ULK1: variants seen among roughly 807,000 people sequenced by gnomAD.
ULK1 encodes the protein serine/threonine-protein kinase ULK1.
ULK1 carries 48 observed loss-of-function variants against 117.5 expected under a neutral mutation model. The observed-to-expected ratio is 0.41, with a 90% CI of 0.32 to 0.52. The LOEUF is 0.52. Ranked by LOEUF, ULK1 falls within the 20% of genes least tolerant of loss-of-function variation. The probability of loss-of-function intolerance (pLI) is 0.29; values close to 1 mark genes in which losing one functional copy is unlikely to be tolerated. For synonymous variants in ULK1, 790 were observed against 637.8 expected, an observed-to-expected ratio of 1.24 and a Z score of -3.60; for missense variants, 1,387 against 1,473.4, an observed-to-expected ratio of 0.94 and a Z score of 0.96.
At position 131,921,095 on chromosome 12, in the gene ULK1, C is replaced by T. The variant is rs752088775; in HGVS notation, c.2962-5C>T. On this transcript the variant is annotated splice_polypyrimidine_tract_variant and splice_region_variant and intron_variant, in intron 26 of 27. Transcript: ENST00000321867. ...GCCCTGTCCAGCCTCTGTCCTCGCCCCCAGGTGCAGTCGGCTGCCCTGGAC... is the reference window on the plus strand; with the variant it reads ...GCCCTGTCCAGCCTCTGTCCTCGCCTCCAGGTGCAGTCGGCTGCCCTGGAC... 68 of 1,588,708 alleles carry T rather than the reference C, an allele frequency of 4.3e-5. No individual in the cohort carries two copies. The highest frequency in any genetic ancestry group is 5.8e-5 in the Non-Finnish European group (68 of 1,172,012).
rs1191561201 is a variant in ULK1 at position 131,923,095 on chromosome 12, C to T, written c.*1734C>T. On this transcript the variant is annotated 3_prime_UTR_variant, in exon 28 of 28. Transcript: ENST00000321867. The stretch of plus-strand genomic sequence containing the variant: ...AAAGCGAATTTTGTGTGATTTCCTG[C>T]CCTTTGCGTTATATTGTATAATACC... The T allele has an allele frequency of 6.6e-6, 1 of 152,248 alleles. No individual in the cohort carries two copies. The highest frequency in any genetic ancestry group is 2.4e-5 in the African/African-American group (1 of 41,468). 9.4% of individuals were successfully genotyped at this position (152,248 alleles called of 1,614,324 possible).
At chr12:131,917,613 G>A (rs1021807203) in intron 22 of ULK1, 59 bp downstream of exon 22, 10 of 1,317,532 alleles carry the variant, frequency 7.6e-6, no homozygotes, top group Non-Finnish European at 9.7e-6. Flanking sequence ...CGCCCTAGCG[G>A]ACGGGGGCAT....
Position 131,914,432 on chromosome 12 carries a change from G to A in ULK1, c.1328G>A (p.Arg443His). ...CCCACGCAGGTGCAGAACTACCAGCGCATTGAGCGAAACCTGCAGTCACCC... is the reference window on the plus strand; with the variant it reads ...CCCACGCAGGTGCAGAACTACCAGCACATTGAGCGAAACCTGCAGTCACCC... ...PVPTQVQNYQ[R>H]IERNLQSPTQ... Residue 443 changes from arginine (R) to histidine (H), a missense_variant, in exon 16 of 28, where the codon CGC becomes CAC. By Grantham distance (29) the Arg-to-His change is conservative (BLOSUM62 0). Transcript: ENST00000321867. The A allele has an allele frequency of 6.2e-7, 1 of 1,612,750 alleles. No individual in the cohort carries two copies. Among genetic ancestry groups the A allele is most frequent in the Non-Finnish European group, 8.5e-7 (1 of 1,179,954 alleles).
chr12:131,912,111 G>A lies in ULK1; in HGVS notation c.1096+22G>A, dbSNP rs376783861. The stretch of plus-strand genomic sequence containing the variant: ...CCAGGTCAGGGGGCACGCTGGGCTT[G>A]GAGGTGACGCCTCAGGTGCGGCGGG... On this transcript the variant is annotated intron_variant, in intron 13 of 27. Transcript: ENST00000321867. The A allele has an allele frequency of 4.7e-5, 75 of 1,605,410 alleles. 2 individuals carry two copies. The highest frequency in any genetic ancestry group is 2.8e-4 in the African/African-American group (21 of 74,936).
In ULK1 at chr12:131,903,866, G is replaced by T. The variant is rs529364336; in HGVS notation, c.247-3026G>T. ...GAGGTTTTGGGGACAGAGGAGGGCT[G>T]CCAGCACAGTGGGGAGGGCAGAGGG... is the stretch of plus-strand genomic sequence containing the variant. On this transcript the variant is annotated intron_variant, in intron 3 of 27. Transcript: ENST00000321867. This position sits in a 1 kb window ranked among gnomAD's most constrained non-coding sequence, Gnocchi z 6.0. Among the ~76,000 whole-genome samples the T allele has an allele frequency of 2.3e-4, 35 of 152,284 alleles. 1 individual carries two copies. The South Asian group carries it at 7.2e-3, about 32-fold the overall frequency.
At chr12:131,921,071 C>T in intron 26 of ULK1, 29 bp from the exon 27 acceptor site, 5 of 1,559,262 alleles carry the variant, frequency 3.2e-6, no homozygotes, top group Middle Eastern at 1.9e-4. Flanking sequence ...GGTGAGCTGG[C>T]CCTGTCCAGC....
At position 131,916,534 on chromosome 12, in the gene ULK1, G is replaced by T. The variant is rs1445905945; in HGVS notation, c.2015G>T (p.Gly672Val). 3.7e-6 allele frequency: 6 copies of T among 1,610,334 alleles called. No homozygotes were observed. In the East Asian group the frequency reaches 1.1e-4, roughly 30 times the overall value. Residue 672 changes from glycine (G) to valine (V), a missense_variant, in exon 20 of 28, where the codon GGT (glycine) becomes GTT (valine). By Grantham distance (109) the Gly-to-Val change is moderately radical. Coordinates refer to ENST00000321867, the MANE Select transcript of ULK1 (RefSeq NM_003565.4). ...PDLSEVGPFHGQPLGPGLRPG... is the reference protein window; with the variant it reads ...PDLSEVGPFHVQPLGPGLRPG... ...CTCTCGGAGGTGGGACCCTTCCATGGTCAGCCGTTGGGCCCTGGCCTGCGG... is the reference window on the plus strand; with the variant it reads ...CTCTCGGAGGTGGGACCCTTCCATGTTCAGCCGTTGGGCCCTGGCCTGCGG...
At position 131,915,249 on chromosome 12, in the gene ULK1, G is replaced by A. The variant is rs763320120; in HGVS notation, c.1522+18G>A. ...TCCTCAAGGTGCGCCTGCAGGCTGGGGCCTGGGAAGGGGCGTCTGTAGGCA... is the reference window on the plus strand; with the variant it reads ...TCCTCAAGGTGCGCCTGCAGGCTGGAGCCTGGGAAGGGGCGTCTGTAGGCA... On this transcript the variant is annotated intron_variant, in intron 17 of 27. Coordinates refer to ENST00000321867, the MANE Select transcript of ULK1 (RefSeq NM_003565.4). 1 of 1,605,228 alleles carries A rather than the reference G, an allele frequency of 6.2e-7. No homozygotes were observed. The highest frequency in any genetic ancestry group is 8.5e-7 in the Non-Finnish European group (1 of 1,175,806).
chr12:131,918,551 G>A lies in ULK1; in HGVS notation c.2381G>A (p.Cys794Tyr), dbSNP rs969384142. ...SSARHLVPGP[C>Y]SEAPAPELPA... is the part of the protein sequence containing the mutation. ...GCCCGCCACCTGGTGCCTGGGCCCT[G>A]CAGCGAGGCCCCAGCCCCTGAGCTC... Residue 794 changes from cysteine to tyrosine, a missense_variant, in exon 23 of 28, where the codon TGC (cysteine) becomes TAC (tyrosine). Cys to Tyr is a radical substitution (Grantham distance 194). Around this residue, in one of 4 missense-constraint regions of ULK1, gnomAD observed 900 missense variants for 858.9 expected, o/e 1.05. Transcript: ENST00000321867. 1.2e-5 allele frequency: 20 copies of A among 1,610,924 alleles called. No individual in the cohort carries two copies. Among genetic ancestry groups the A allele is most frequent in the Non-Finnish European group, 4.2e-6 (5 of 1,179,258 alleles).
chr12:131,908,827 C>T lies in ULK1; in HGVS notation c.490+10C>T. 1 of 1,605,756 alleles carries T rather than the reference C, an allele frequency of 6.2e-7. No individual in the cohort carries two copies. The highest frequency in any genetic ancestry group is 8.5e-7 in the Non-Finnish European group (1 of 1,176,874). ...ATCCGCGTCAAGATCGGTCAGCCCG[C>T]GGGCAGGCAGGCGGGCCCGGCGGGG... On this transcript the variant is annotated intron_variant, in intron 6 of 27. Coordinates refer to ENST00000321867, the MANE Select transcript of ULK1 (RefSeq NM_003565.4).
chr12:131,913,096 A>G, intron 13 of ULK1, 102 bp from the exon 14 acceptor site: 2 of 1,135,512 alleles, frequency 1.8e-6, no homozygotes, highest in Non-Finnish European at 2.4e-6. Context: ...AGGCCCCTGC[A>G]AGGTGGAGTG....
At chr12:131,916,816 G>T in intron 20 of ULK1, 137 bp from the exon 21 acceptor site, 1 of 981,318 alleles carries the variant, frequency 1.0e-6, no homozygotes, top group Non-Finnish European at 1.5e-6. Context: ...TGTAAGCTGG[G>T]GTGACAGGAG....
At chr12:131,901,536 TC>T (rs1277333844) in intron 3 of ULK1, among the ~76,000 whole-genome samples, 1 of 151,976 alleles carries the variant, frequency 6.6e-6, no homozygotes, top group Non-Finnish European at 1.5e-5. Flanking sequence ...TGTGCCCCCC[TC>T]CCCCTCTGCT....
At position 131,906,931 on chromosome 12, in the gene ULK1, G is replaced by T; in HGVS notation, c.279+7G>T. The T allele has an allele frequency of 6.2e-7, 1 of 1,614,074 alleles. No individual in the cohort carries two copies. The highest frequency in any genetic ancestry group is 8.5e-7 in the Non-Finnish European group (1 of 1,180,008). ...TGTCTACCTGGTTATGGAGGTGAGTGCCTTGTGGTGCCAGGACAAGTGCAG... is the reference window on the plus strand; with the variant it reads ...TGTCTACCTGGTTATGGAGGTGAGTTCCTTGTGGTGCCAGGACAAGTGCAG... On this transcript the variant is annotated splice_region_variant and intron_variant, in intron 4 of 27. Coordinates refer to ENST00000321867, the MANE Select transcript of ULK1 (RefSeq NM_003565.4).
At chr12:131,895,576 T>C (rs781536519) in intron 1 of ULK1, 25 bp from the exon 2 acceptor site, 2 of 1,609,422 alleles carry the variant, frequency 1.2e-6, no homozygotes, top group South Asian at 2.2e-5. Context: ...AGCCCTGGCC[T>C]TGAAGGTGCA....
At chr12:131,905,328 C>T (rs1365144284) in intron 3 of ULK1, among the ~76,000 whole-genome samples, 1 of 152,154 alleles carries the variant, frequency 6.6e-6, no homozygotes, top group African/African-American at 2.4e-5. Flanking sequence ...GCGGCTGTCC[C>T]CCCCACCAGG....
chr12:131,895,528 C>A, intron 1 of ULK1, 73 bp from the exon 2 acceptor site: 3 of 1,293,206 alleles, frequency 2.3e-6, no homozygotes, highest in Non-Finnish European at 2.2e-6. Context: ...AGGGCCCCAC[C>A]TGTGTGGACT....
chr12:131,912,219 C>T (rs1482823614), intron 13 of ULK1, 130 bp downstream of exon 13: 10 of 1,370,430 alleles, frequency 7.3e-6, no homozygotes, highest in Middle Eastern at 2.6e-4. Context: ...TGGGAGCCAC[C>T]GGCATCGGCC....
intron 3 of ULK1, among the ~76,000 whole-genome samples, chr12:131,899,988 G>A (rs899999009): frequency 3.9e-5 from 6 of 152,030 alleles, no homozygotes; most frequent in Admixed American, 6.6e-5. Flanking sequence ...GTGGTGGCCC[G>A]TGCCTGTAGT....
Sources: gnomAD v4.1 joint callset for allele counts (sites outside exome capture counted in the v4.1 genomes callset) on GRCh38, gnomAD v4.1.1 for gene constraint, gnomAD v4.1.1 regional missense constraint, Gnocchi (gnomAD v3.1) non-coding constraint, MANE v1.5 for transcripts, NCBI Gene and HGNC (gene_info 2026-07-23, HGNC 2026-07-21) for gene names.